ACO1: variants seen among roughly 807,000 people sequenced by gnomAD.
The protein encoded by ACO1 is cytoplasmic aconitate hydratase.
A neutral mutation model predicts 105.1 loss-of-function variants in ACO1; 78 were observed. The ratio of observed to expected loss-of-function variants is 0.74; its 90% CI spans 0.62 to 0.90. ACO1 has a LOEUF of 0.90. Ranked by LOEUF, ACO1 falls within the 40% of genes least tolerant of loss-of-function variation. The probability of loss-of-function intolerance (pLI) is 0.00; values close to 1 mark genes in which losing one functional copy is unlikely to be tolerated. For missense variants in ACO1, 965 were observed against 1,111.1 expected, an observed-to-expected ratio of 0.87 and a Z score of 1.87; for synonymous variants, 364 against 397.4, an observed-to-expected ratio of 0.92 and a Z score of 1.00.
chr9:32,389,267 C>A (rs1821216105), intron 1 of ACO1, among the ~76,000 whole-genome samples: 2 of 152,224 alleles, frequency 1.3e-5, no homozygotes, highest in Non-Finnish European at 2.9e-5. Flanking sequence ...TATGCCAAAA[C>A]ATTGAGTGCT....
chr9:32,453,262 C>G lies in ACO1; in HGVS notation c.*3151C>G, dbSNP rs1328368398. On this transcript the variant is annotated 3_prime_UTR_variant, in exon 21 of 21. Coordinates refer to ENST00000309951, the MANE Select transcript of ACO1 (RefSeq NM_002197.3). Reference sequence around the variant, plus strand: ...GATGCCCTTCATGTGTATTTACACACCAGATTTTTATGGTACATAGGGAGT... The same window carrying G: ...GATGCCCTTCATGTGTATTTACACAGCAGATTTTTATGGTACATAGGGAGT... 6.6e-6 allele frequency: 1 copy of G among 151,510 alleles called. No homozygotes were observed. Among genetic ancestry groups the G allele is most frequent in the Non-Finnish European group, 1.5e-5 (1 of 67,984 alleles). 9.4% of individuals were successfully genotyped at this position (151,510 alleles called of 1,614,324 possible).
intron 1 of ACO1, among the ~76,000 whole-genome samples, chr9:32,391,287 G>A (rs1408372844): frequency 2.6e-5 from 4 of 152,218 alleles, no homozygotes. Flanking sequence ...GGCAGAGACT[G>A]ACTTTAAGAA....
chr9:32,390,514 A>T (rs1440300491), intron 1 of ACO1, among the ~76,000 whole-genome samples: 1 of 152,240 alleles, frequency 6.6e-6, no homozygotes, highest in Admixed American at 6.5e-5. Flanking sequence ...TAAGAGAAGG[A>T]ATGTGTGCCT....
At chr9:32,403,911 A>C (rs1157052050) in intron 1 of ACO1, among the ~76,000 whole-genome samples, 1 of 150,040 alleles carries the variant, frequency 6.7e-6, no homozygotes, top group Non-Finnish European at 1.5e-5. Flanking sequence ...GAAAAAGGTA[A>C]GTCTGGGGAG....
chr9:32,394,803 T>A (rs1243712437), intron 1 of ACO1, among the ~76,000 whole-genome samples: 1 of 152,300 alleles, frequency 6.6e-6, no homozygotes, highest in Non-Finnish European at 1.5e-5. Flanking sequence ...AGTAAATATA[T>A]GGGTTTGCAT....
chr9:32,434,058 T>C (rs1822299575), intron 16 of ACO1, among the ~76,000 whole-genome samples: 1 of 152,204 alleles, frequency 6.6e-6, no homozygotes, highest in African/African-American at 2.4e-5. Flanking sequence ...ACAGCCACCC[T>C]AGTAATCACC....
rs757722807 is a variant in ACO1, at chr9:32,454,224, A to T, written c.*4113A>T. 1 of 152,296 alleles carries T rather than the reference A, an allele frequency of 6.6e-6. No homozygotes were observed. The highest frequency in any genetic ancestry group is 1.9e-4 in the East Asian group (1 of 5,204). The allele number at this position is 152,296 out of a possible 1,614,324, so 9.4% of individuals were successfully genotyped here. ...CACTGTTTGCAGGGAAGGTGGCAGC[A>T]AATGGCACAGAAACCCACCTGACCA... On this transcript the variant is annotated 3_prime_UTR_variant, in exon 21 of 21. Coordinates refer to ENST00000309951, the MANE Select transcript of ACO1 (RefSeq NM_002197.3).
rs559121414 is a variant in ACO1 at position 32,398,234 on chromosome 9, A to T, written c.-22-7251A>T. Among the ~76,000 whole-genome samples, 24 of 152,324 alleles carry T rather than the reference A, an allele frequency of 1.6e-4. No individual in the cohort carries two copies. The South Asian group carries it at 5.0e-3, about 32-fold the overall frequency. Reference sequence around the variant, plus strand: ...GATAACACAAGTAGCAAATTCATAGATGTATATATTCCAAAGATGAGATGG... The same window carrying T: ...GATAACACAAGTAGCAAATTCATAGTTGTATATATTCCAAAGATGAGATGG... On this transcript the variant is annotated intron_variant, in intron 1 of 20. Coordinates refer to ENST00000309951, the MANE Select transcript of ACO1 (RefSeq NM_002197.3).
chr9:32,434,327 G>A (rs978208107), intron 16 of ACO1, among the ~76,000 whole-genome samples: 7 of 152,192 alleles, frequency 4.6e-5, no homozygotes, highest in African/African-American at 1.7e-4. Flanking sequence ...TTGCTTTTGA[G>A]GGGATATTGC....
chr9:32,408,325 A>G (rs1821659780), intron 3 of ACO1, among the ~76,000 whole-genome samples, 189 bp from the exon 4 acceptor site: 1 of 152,190 alleles, frequency 6.6e-6, no homozygotes, highest in African/African-American at 2.4e-5. Flanking sequence ...CAGTCATGGT[A>G]CTTACTACCT....
At chr9:32,392,361 G>T (rs986914628) in intron 1 of ACO1, among the ~76,000 whole-genome samples, 1 of 152,138 alleles carries the variant, frequency 6.6e-6, no homozygotes, top group Non-Finnish European at 1.5e-5. Flanking sequence ...AAATGGGATG[G>T]TGATGCCCTT....
At chr9:32,441,132 T>C (rs1822470850) in intron 19 of ACO1, among the ~76,000 whole-genome samples, 1 of 152,204 alleles carries the variant, frequency 6.6e-6, no homozygotes, top group Non-Finnish European at 1.5e-5. Context: ...TCACTGCCTA[T>C]GAATATCTGC....
rs113545230 is a variant in ACO1, at chr9:32,452,965, C to T, written c.*2854C>T. ...TGAGACCCTATCAATCAATCACCAC[C>T]CCCCCCCCCCCCAAAAAAAAAAGTA... On this transcript the variant is annotated 3_prime_UTR_variant, in exon 21 of 21. Transcript: ENST00000309951. 1.3e-5 allele frequency: 1 copy of T among 75,560 alleles called. No homozygotes were observed. The highest frequency in any genetic ancestry group is 5.3e-4 in the East Asian group (1 of 1,894). 4.7% of individuals were successfully genotyped at this position (75,560 alleles called of 1,614,324 possible).
At chr9:32,397,599 G>A (rs1046358650) in intron 1 of ACO1, among the ~76,000 whole-genome samples, 4 of 152,200 alleles carry the variant, frequency 2.6e-5, no homozygotes. Context: ...GTAGCATGAT[G>A]TTTAGATACA....
intron 11 of ACO1, 71 bp downstream of exon 11, chr9:32,426,068 G>C (rs1057066581): frequency 6.6e-7 from 1 of 1,509,938 alleles, no homozygotes; most frequent in East Asian, 2.3e-5. Context: ...ACAGGGCCCA[G>C]GGCCTTGGCG....
chr9:32,421,112 C>A, intron 8 of ACO1, 85 bp downstream of exon 8: 1 of 1,418,778 alleles, frequency 7.0e-7, no homozygotes, highest in South Asian at 1.3e-5. Context: ...TCTGCCTCTA[C>A]CCAACAGAAG....
At chr9:32,399,624 A>G (rs961473625) in intron 1 of ACO1, among the ~76,000 whole-genome samples, 1 of 152,220 alleles carries the variant, frequency 6.6e-6, no homozygotes, top group Non-Finnish European at 1.5e-5. Context: ...CATTGTTTGA[A>G]TGCTAGTACT....
At chr9:32,449,675 T>A (rs995080232) in intron 20 of ACO1, among the ~76,000 whole-genome samples, 2 of 152,140 alleles carry the variant, frequency 1.3e-5, no homozygotes, top group Non-Finnish European at 2.9e-5. Flanking sequence ...CCCCAGAGGT[T>A]TAGAAAATAC....
chr9:32,409,365 T>G (rs1402075309), intron 4 of ACO1, among the ~76,000 whole-genome samples: 1 of 152,224 alleles, frequency 6.6e-6, no homozygotes, highest in African/African-American at 2.4e-5. Context: ...TTTAATATCC[T>G]AAATTGAGTG....
Sources: gnomAD v4.1 joint callset for allele counts (sites outside exome capture counted in the v4.1 genomes callset) on GRCh38, gnomAD v4.1.1 for gene constraint, MANE v1.5 for transcripts, NCBI Gene and HGNC (gene_info 2026-07-23, HGNC 2026-07-21) for gene names.